The following GNAO1 variants were observed in gnomAD, a reference collection of about 807,000 sequenced individuals.
GNAO1 encodes the protein G protein subunit alpha o1, also known as guanine nucleotide-binding protein G(o) subunit alpha.
For missense variants in GNAO1, 166 were observed against 478.7 expected (o/e 0.35, Z 6.10); for synonymous variants, 164 against 180.7 (o/e 0.91, Z 0.74).
At chr16:56,202,340 G>A (rs1344813882) in intron 2 of GNAO1, among the ~76,000 whole-genome samples, 1 of 152,186 alleles carries the variant, frequency 6.6e-6, no homozygotes, top group African/African-American at 2.4e-5. Context: ...GTTAAGAAAT[G>A]TGTGGGATTG....
In GNAO1 at chr16:56,345,629, T is replaced by G. The variant is rs931666424; in HGVS notation, c.724-5755T>G. On this transcript the variant is annotated intron_variant, in intron 6 of 8. Coordinates refer to ENST00000262493, the MANE Select transcript of GNAO1 (RefSeq NM_020988.3). ...TCAGCCCAAGTCCACCTCTGTTTTG[T>G]TCACCTCGGTCATGTTTTGGACCTT... 5 of 985,382 alleles carry G rather than the reference T, an allele frequency of 5.1e-6. No homozygotes were observed. In the East Asian group the frequency reaches 5.7e-4, roughly 112 times the overall value. The allele number at this position is 985,382 out of a possible 1,614,324, so 61.0% of individuals were successfully genotyped here.
intron 6 of GNAO1, among the ~76,000 whole-genome samples, chr16:56,343,487 CAAAA>C (rs5817055): frequency 1.5e-5 from 2 of 134,354 alleles, no homozygotes. Context: ...GACCCTATCT[CAAAA>C]AAAAAAAAAA....
chr16:56,321,330 G>T (rs1489964308), intron 3 of GNAO1, among the ~76,000 whole-genome samples: 4 of 152,222 alleles, frequency 2.6e-5, no homozygotes, highest in African/African-American at 9.6e-5. Context: ...GGCGCAGCTG[G>T]ATCCAGGCGT....
chr16:56,253,267 G>A (rs757067869), intron 2 of GNAO1, among the ~76,000 whole-genome samples: 16 of 152,122 alleles, frequency 1.1e-4, no homozygotes, highest in Non-Finnish European at 1.6e-4. Flanking sequence ...GTGACTGATC[G>A]ACTCCTCCTG....
At chr16:56,296,512 G>A (rs1351555951) in intron 3 of GNAO1, among the ~76,000 whole-genome samples, 3 of 152,160 alleles carry the variant, frequency 2.0e-5, no homozygotes, top group African/African-American at 7.2e-5. Context: ...GAGCCTGCTG[G>A]AGGATCTTAA....
intron 3 of GNAO1, among the ~76,000 whole-genome samples, chr16:56,305,862 CTG>C (rs1407353253): frequency 3.3e-5 from 5 of 152,202 alleles, no homozygotes; most frequent in African/African-American, 1.2e-4. Context: ...CCGTGTGAGT[CTG>C]TGTCTTAATC....
At chr16:56,256,978 G>T (rs927927780) in intron 2 of GNAO1, among the ~76,000 whole-genome samples, 8 of 152,130 alleles carry the variant, frequency 5.3e-5, no homozygotes, top group African/African-American at 1.9e-4. Context: ...TCCCGTGGTG[G>T]GAAAGTTGTT....
chr16:56,262,294 A>C (rs2036910752), intron 2 of GNAO1, among the ~76,000 whole-genome samples: 1 of 152,182 alleles, frequency 6.6e-6, no homozygotes, highest in Non-Finnish European at 1.5e-5. Flanking sequence ...CCCAGATAGG[A>C]GCCCTCCCAC....
chr16:56,222,395 T>C (rs1466117591), intron 2 of GNAO1, among the ~76,000 whole-genome samples: 1 of 152,026 alleles, frequency 6.6e-6, no homozygotes, highest in Non-Finnish European at 1.5e-5. Context: ...CACTAGGAGG[T>C]AGTGGGCTGT....
At chr16:56,355,397 C>T (rs1596883874) in intron 8 of GNAO1, 1 of 152,398 alleles carries the variant, frequency 6.6e-6, no homozygotes, top group African/African-American at 2.4e-5. Context: ...TTTGGGAGTC[C>T]CTCCTTTTGA....
intron 6 of GNAO1, chr16:56,348,174 G>T: frequency 1.0e-6 from 1 of 982,618 alleles, no homozygotes; most frequent in Middle Eastern, 5.2e-4. Context: ...GTCGCCTACC[G>T]TTAATAAAAA....
At chr16:56,280,871 CAGAT>C (rs1206500545) in intron 3 of GNAO1, among the ~76,000 whole-genome samples, 1 of 152,154 alleles carries the variant, frequency 6.6e-6, no homozygotes, top group Non-Finnish European at 1.5e-5. Context: ...CCGCACATAT[CAGAT>C]GGATGGATTC....
intron 3 of GNAO1, among the ~76,000 whole-genome samples, chr16:56,297,212 A>C (rs1486416331): frequency 6.6e-6 from 1 of 152,146 alleles, no homozygotes. Flanking sequence ...GACCTCTTGC[A>C]CCAGAAACAT....
chr16:56,238,741 C>T (rs554630516), intron 2 of GNAO1, among the ~76,000 whole-genome samples: 11 of 152,286 alleles, frequency 7.2e-5, no homozygotes, highest in South Asian at 6.2e-4. Context: ...TTTTGTTACA[C>T]AATTAATGCT....
rs75235552 is a variant in GNAO1 at position 56,231,136 on chromosome 16, T to C, written c.161+38520T>C. Among the ~76,000 whole-genome samples the C allele has an allele frequency of 9.9e-3, 1,506 of 152,310 alleles. 50 individuals carry two copies. The highest frequency in any genetic ancestry group is 0.07 in the South Asian group (339 of 4,826). ...GGATGACACCATTACCTGGGCAGTG[T>C]GGCTTATGCTTTATGTGAAAGACTC... On this transcript the variant is annotated intron_variant, in intron 2 of 8. Coordinates refer to ENST00000262493, the MANE Select transcript of GNAO1 (RefSeq NM_020988.3).
chr16:56,296,070 A>G (rs1277236605), intron 3 of GNAO1, among the ~76,000 whole-genome samples: 3 of 152,226 alleles, frequency 2.0e-5, no homozygotes, highest in African/African-American at 7.2e-5. Flanking sequence ...AGAAAATTCA[A>G]TTATAAAGCC....
intron 3 of GNAO1, among the ~76,000 whole-genome samples, chr16:56,281,073 A>G (rs1227640399): frequency 5.9e-5 from 9 of 152,168 alleles, no homozygotes; most frequent in Non-Finnish European, 8.8e-5. Flanking sequence ...TCCTCATTTT[A>G]TAGGTTAAAA....
intron 2 of GNAO1, among the ~76,000 whole-genome samples, chr16:56,211,992 G>A (rs1179289811): frequency 6.6e-6 from 1 of 152,184 alleles, no homozygotes; most frequent in Non-Finnish European, 1.5e-5. Flanking sequence ...GAAAGGAAGG[G>A]ACAAACTGCA....
rs1407627026 is a variant in GNAO1 at position 56,276,369 on chromosome 16, C to T, written c.303+297C>T. The T allele has an allele frequency of 1.2e-4, 30 of 259,060 alleles. No individual in the cohort carries two copies. In the Admixed American group the frequency reaches 1.4e-3, roughly 12 times the overall value. The allele number at this position is 259,060 out of a possible 1,614,324, so 16.0% of individuals were successfully genotyped here. A position where few individuals can be genotyped will look rare whatever the true frequency, so the allele number is the denominator to read the frequency against. On this transcript the variant is annotated intron_variant, in intron 3 of 8. Coordinates refer to ENST00000262493, the MANE Select transcript of GNAO1 (RefSeq NM_020988.3). ...GAGCTGCCACAACACTGTCTAAGTA[C>T]CTGTCCTTGGGCAATTAACTTGTAC...
Sources: allele counts gnomAD v4.1 joint callset (sites outside exome capture counted in the v4.1 genomes callset), GRCh38; gene constraint gnomAD v4.1.1; transcripts MANE v1.5; gene names NCBI Gene and HGNC (gene_info 2026-07-23, HGNC 2026-07-21).